The following RAB11FIP1 variants were observed in gnomAD, a reference collection of about 807,000 sequenced individuals.
RAB11FIP1 encodes the protein RAB11 family interacting protein 1, also known as rab11 family-interacting protein 1.
Under a neutral mutation model 83.1 loss-of-function variants are expected in RAB11FIP1, and 49 were observed. That is an observed-to-expected ratio of 0.59 (90% CI 0.47 to 0.75). RAB11FIP1 has a LOEUF of 0.75. Among genes scored for constraint, RAB11FIP1 ranks in the 30% least tolerant of loss-of-function variants. The probability of loss-of-function intolerance (pLI) is 0.00; values close to 1 mark genes in which losing one functional copy is unlikely to be tolerated. For missense variants in RAB11FIP1, 1,536 were observed against 1,598.7 expected, an observed-to-expected ratio of 0.96 and a Z score of 0.67; for synonymous variants, 670 against 656.0, an observed-to-expected ratio of 1.02 and a Z score of -0.33.
chr8:37,889,588 A>C (rs1325976714), intron 1 of RAB11FIP1, among the ~76,000 whole-genome samples: 1 of 152,204 alleles, frequency 6.6e-6, no homozygotes, highest in East Asian at 1.9e-4. Context: ...AATAAAATGC[A>C]ATAGTTTGGT....
In RAB11FIP1 at chr8:37,861,137, C is replaced by A; in HGVS notation, c.*1758G>T. The A allele has an allele frequency of 6.5e-6, 1 of 153,098 alleles. No homozygotes were observed. The highest frequency in any genetic ancestry group is 1.5e-5 in the Non-Finnish European group (1 of 68,820). The allele number at this position is 153,098 out of a possible 1,614,324, so 9.5% of individuals were successfully genotyped here. On this transcript the variant is annotated 3_prime_UTR_variant, in exon 6 of 6. Coordinates refer to ENST00000330843, the MANE Select transcript of RAB11FIP1 (RefSeq NM_001002814.3). ...CTTAAGTGAGTAACAACAAAATTACCTGAAAAATCTCAGCTGGTGCTTTTA... is the reference window on the plus strand; with the variant it reads ...CTTAAGTGAGTAACAACAAAATTACATGAAAAATCTCAGCTGGTGCTTTTA...
At chr8:37,894,711 CATATATATATACATAT>C (rs1807024604) in intron 1 of RAB11FIP1, among the ~76,000 whole-genome samples, 1 of 145,060 alleles carries the variant, frequency 6.9e-6, no homozygotes, top group African/African-American at 2.6e-5. Context: ...CATATATATA[CATATATATATACATAT>C]ATATATATAT....
intron 2 of RAB11FIP1, 125 bp downstream of exon 2, chr8:37,876,984 C>A: frequency 1.3e-6 from 1 of 758,758 alleles, no homozygotes; most frequent in African/African-American, 1.8e-5. Flanking sequence ...TCCCCACCAC[C>A]ATGATTTTGT....
At position 37,873,135 on chromosome 8, in the gene RAB11FIP1, G is replaced by A; in HGVS notation, c.1667C>T (p.Ser556Phe). 5.0e-6 allele frequency: 8 copies of A among 1,609,872 alleles called. No homozygotes were observed. Among genetic ancestry groups the A allele is most frequent in the South Asian group, 2.2e-5 (2 of 90,810 alleles). The change falls in exon 4 of 6, where the codon TCC (serine) becomes TTC (phenylalanine). Residue 556 changes from serine (S) to phenylalanine (F), a missense_variant. Transcript: ENST00000330843. ...AAGAGAGGAAGGGGAGTCAGTAGGG[G>A]AAGGAAGCCTGGCTGTGGGTTGCGC... ...PEAQPTARLP[S>F]PTDSPSSLPP...
At position 37,861,744 on chromosome 8, in the gene RAB11FIP1, A is replaced by C. The variant is rs1006955154; in HGVS notation, c.*1151T>G. On this transcript the variant is annotated 3_prime_UTR_variant, in exon 6 of 6. Coordinates refer to ENST00000330843, the MANE Select transcript of RAB11FIP1 (RefSeq NM_001002814.3). ...GCTGGGATTACAGGCACGCACCACC[A>C]TGCCAAGCTAATTTTTGTATTTTTA... is the stretch of plus-strand genomic sequence containing the variant. 1 of 352,826 alleles carries C rather than the reference A, an allele frequency of 2.8e-6. No homozygotes were observed. Among genetic ancestry groups the C allele is most frequent in the Non-Finnish European group, 5.5e-6 (1 of 182,562 alleles). 21.9% of individuals were successfully genotyped at this position (352,826 alleles called of 1,614,324 possible). A position where few individuals can be genotyped will look rare whatever the true frequency, so the allele number is the denominator to read the frequency against.
chr8:37,870,670 C>A, intron 4 of RAB11FIP1, 142 bp from the exon 5 acceptor site: 1 of 564,144 alleles, frequency 1.8e-6, no homozygotes. Context: ...CAAAGCACTC[C>A]AATGTCTCAG....
Position 37,872,368 on chromosome 8 carries a change from A to C in RAB11FIP1, c.2434T>G (p.Ser812Ala). ...GCCTCTTCCGTGAAGAGCTGCTCAG[A>C]AAATGACACACGCTTCTTGGTTTTC... ...QKKTKKRVSF[S>A]EQLFTEEAVA... Residue 812 changes from serine to alanine, a missense_variant, in exon 4 of 6, where the codon TCT becomes GCT. Physicochemically the swap from Ser to Ala is moderately conservative, Grantham distance 99. Transcript: ENST00000330843. 6.2e-7 allele frequency: 1 copy of C among 1,614,236 alleles called. No homozygotes were observed. The highest frequency in any genetic ancestry group is 8.5e-7 in the Non-Finnish European group (1 of 1,180,040).
intron 2 of RAB11FIP1, among the ~76,000 whole-genome samples, chr8:37,875,792 T>C (rs1192312090): frequency 6.6e-6 from 1 of 151,992 alleles, no homozygotes; most frequent in Admixed American, 6.6e-5. Flanking sequence ...ACCATAAGGT[T>C]CCATGGTTTT....
rs766441891 is a variant in RAB11FIP1 at position 37,870,458 on chromosome 8, T to A, written c.3595A>T (p.Ile1199Phe). Residue 1199 changes from isoleucine (I) to phenylalanine (F), a missense_variant, in exon 5 of 6, where the codon ATC becomes TTC. Physicochemically the swap from Ile to Phe is conservative, Grantham distance 21. Coordinates refer to ENST00000330843, the MANE Select transcript of RAB11FIP1 (RefSeq NM_001002814.3). Reference protein sequence around the residue: ...VANCSLGTATIISENLNNEVM... With the variant: ...VANCSLGTATFISENLNNEVM... ...TCATTGTTCAAGTTCTCACTGATGATGGTGGCAGTTCCCAAGCTGCAGTTA... is the reference window on the plus strand; with the variant it reads ...TCATTGTTCAAGTTCTCACTGATGAAGGTGGCAGTTCCCAAGCTGCAGTTA... 2.5e-6 allele frequency: 4 copies of A among 1,611,112 alleles called. No homozygotes were observed. In the East Asian group the frequency reaches 8.9e-5, roughly 36 times the overall value.
At chr8:37,883,019 GGCACCA>G (rs1236138192) in intron 1 of RAB11FIP1, among the ~76,000 whole-genome samples, 1 of 152,184 alleles carries the variant, frequency 6.6e-6, no homozygotes, top group Non-Finnish European at 1.5e-5. Flanking sequence ...CAGGTAGCCA[GGCACCA>G]GCCACGGGGC....
At position 37,863,175 on chromosome 8, in the gene RAB11FIP1, C is replaced by T. The variant is rs144613111; in HGVS notation, c.3634-62G>A. On this transcript the variant is annotated intron_variant, in intron 5 of 5. Transcript: ENST00000330843. ...ATAAAATTAGCACAGAAACCTAAAACCTAAAAGAAGTACAAAGGAGGAAAA... is the reference window on the plus strand; with the variant it reads ...ATAAAATTAGCACAGAAACCTAAAATCTAAAAGAAGTACAAAGGAGGAAAA... 8,923 of 1,363,226 alleles carry T rather than the reference C, an allele frequency of 6.5e-3. 362 individuals are homozygous for T. In the Admixed American group the frequency reaches 0.098, roughly 15 times the overall value. The allele number at this position is 1,363,226 out of a possible 1,614,324, so 84.4% of individuals were successfully genotyped here.
intron 2 of RAB11FIP1, among the ~76,000 whole-genome samples, chr8:37,875,615 G>A (rs568079473): frequency 6.7e-4 from 102 of 152,202 alleles, no homozygotes; most frequent in Non-Finnish European, 1.1e-3. Context: ...AGCAGAATCC[G>A]GCCAATGGGA....
intron 1 of RAB11FIP1, among the ~76,000 whole-genome samples, chr8:37,879,237 G>A (rs1806687244): frequency 6.6e-6 from 1 of 152,084 alleles, no homozygotes; most frequent in Admixed American, 6.6e-5. Flanking sequence ...GAACCCGGGA[G>A]GCGGAGGTTG....
rs1309476959 is a variant in RAB11FIP1 at position 37,861,774 on chromosome 8, A to G, written c.*1121T>C. ...AAGCTAATTTTTGTATTTTTAGTAG[A>G]GATGGGGTTTCGCCATGTTGGTCAG... On this transcript the variant is annotated 3_prime_UTR_variant, in exon 6 of 6. Coordinates refer to ENST00000330843, the MANE Select transcript of RAB11FIP1 (RefSeq NM_001002814.3). The G allele has an allele frequency of 5.8e-6, 2 of 342,940 alleles. No homozygotes were observed. Among genetic ancestry groups the G allele is most frequent in the Admixed American group, 4.2e-5 (1 of 23,774 alleles). The allele number at this position is 342,940 out of a possible 1,614,324, so 21.2% of individuals were successfully genotyped here.
At position 37,875,246 on chromosome 8, in the gene RAB11FIP1, T is replaced by G; in HGVS notation, c.891A>C (p.Glu297Asp). ...GAAGGCCACCAAGAAAGGAAAGTCC[T>G]TCCTTCTTGGGAAGGGTAAAGTTGA... is the stretch of plus-strand genomic sequence containing the variant. ...NQVNFTLPKKEGLSFLGGLRS... is the reference protein window; with the variant it reads ...NQVNFTLPKKDGLSFLGGLRS... The change falls in exon 3 of 6, where the codon GAA becomes GAC. Residue 297 changes from glutamate to aspartate, a missense_variant. Physicochemically the swap from Glu to Asp is conservative, Grantham distance 45 (BLOSUM62 2). Coordinates refer to ENST00000330843, the MANE Select transcript of RAB11FIP1 (RefSeq NM_001002814.3). 6.2e-7 allele frequency: 1 copy of G among 1,614,096 alleles called. No homozygotes were observed. The highest frequency in any genetic ancestry group is 8.5e-7 in the Non-Finnish European group (1 of 1,179,992).
chr8:37,872,451 A>G lies in RAB11FIP1; in HGVS notation c.2351T>C (p.Ile784Thr). ...PLPMGASVPS[I>T]DSMMRKLEEM... ...TTCCAGCTTCCGCATCATGGAATCA[A>G]TGGAAGGGACTGATGCTCCCATGGG... The change falls in exon 4 of 6, where the codon ATT becomes ACT. Residue 784 changes from isoleucine (I) to threonine (T), a missense_variant. Coordinates refer to ENST00000330843, the MANE Select transcript of RAB11FIP1 (RefSeq NM_001002814.3). 1 of 1,614,134 alleles carries G rather than the reference A, an allele frequency of 6.2e-7. No individual in the cohort carries two copies. Among genetic ancestry groups the G allele is most frequent in the Non-Finnish European group, 8.5e-7 (1 of 1,180,018 alleles).
intron 1 of RAB11FIP1, among the ~76,000 whole-genome samples, chr8:37,884,041 A>ATTTT (rs869284147): frequency 6.7e-6 from 1 of 149,186 alleles, no homozygotes; most frequent in Non-Finnish European, 1.5e-5. Flanking sequence ...AAGTGACATA[A>ATTTT]TTTTATTTAT....
chr8:37,895,057 C>T (rs533401515), intron 1 of RAB11FIP1, among the ~76,000 whole-genome samples: 146 of 144,280 alleles, frequency 1.0e-3, no homozygotes, highest in Non-Finnish European at 1.5e-3. Flanking sequence ...TACGCCCAGC[C>T]ATATATATAT....
At chr8:37,890,324 T>A (rs1806922045) in intron 1 of RAB11FIP1, among the ~76,000 whole-genome samples, 1 of 152,186 alleles carries the variant, frequency 6.6e-6, no homozygotes. Flanking sequence ...AGCCATGTCC[T>A]TTTTTAAAAA....
Sources: gnomAD v4.1 joint callset for allele counts (sites outside exome capture counted in the v4.1 genomes callset) on GRCh38, gnomAD v4.1.1 for gene constraint, MANE v1.5 for transcripts, NCBI Gene and HGNC (gene_info 2026-07-23, HGNC 2026-07-21) for gene names.